BRINP3: variants seen among roughly 807,000 people sequenced by gnomAD.
BRINP3 encodes BMP/retinoic acid-inducible neural-specific protein 3.
Under a neutral mutation model 71.0 loss-of-function variants are expected in BRINP3, and 19 were observed. The observed-to-expected ratio is 0.27, with a 90% CI of 0.19 to 0.39. BRINP3 has a LOEUF of 0.39. Among genes scored for constraint, BRINP3 ranks in the 10% least tolerant of loss-of-function variants. The probability of loss-of-function intolerance (pLI) is 1.00; values close to 1 mark genes in which losing one functional copy is unlikely to be tolerated. For synonymous variants in BRINP3, 380 were observed against 337.7 expected (o/e 1.13, Z -1.37); for missense variants, 959 against 940.8 (o/e 1.02, Z -0.25).
intron 7 of BRINP3, among the ~76,000 whole-genome samples, chr1:190,101,382 A>G (rs1194256561): frequency 6.6e-6 from 1 of 152,126 alleles, no homozygotes; most frequent in African/African-American, 2.4e-5. Context: ...CACAGAATAT[A>G]TGTGCAAAAA....
At chr1:190,199,861 A>C (rs1654846908) in intron 6 of BRINP3, among the ~76,000 whole-genome samples, 1 of 152,010 alleles carries the variant, frequency 6.6e-6, no homozygotes. Context: ...ATTAAGTATA[A>C]AACTTAAAAT....
rs189658164 is a variant in BRINP3 at position 190,203,507 on chromosome 1, A to G, written c.961+22575T>C. Among the ~76,000 whole-genome samples, 385 of 148,112 alleles carry G rather than the reference A, an allele frequency of 2.6e-3. 3 individuals carry two copies. The highest frequency in any genetic ancestry group is 9.0e-3 in the African/African-American group (363 of 40,434). On this transcript the variant is annotated intron_variant, in intron 6 of 7. Coordinates refer to ENST00000367462, the MANE Select transcript of BRINP3 (RefSeq NM_199051.3). ...TATATATATATACATATATCTTACAACTCCAATTGACTGGATGTCTCTATA... is the reference window on the plus strand; with the variant it reads ...TATATATATATACATATATCTTACAGCTCCAATTGACTGGATGTCTCTATA...
At chr1:190,430,133 C>T (rs79035989) in intron 2 of BRINP3, among the ~76,000 whole-genome samples, 4,444 of 152,158 alleles carry the variant, frequency 0.029, 89 homozygotes, top group East Asian at 0.099. Context: ...GCATTAATCA[C>T]AAAATATAGA....
At chr1:190,428,340 T>C (rs534996851) in intron 2 of BRINP3, among the ~76,000 whole-genome samples, 1 of 152,162 alleles carries the variant, frequency 6.6e-6, no homozygotes, top group East Asian at 1.9e-4. Flanking sequence ...TAAAATATAC[T>C]ATGAATAAAA....
intron 2 of BRINP3, among the ~76,000 whole-genome samples, chr1:190,299,379 C>T (rs1393437444): frequency 1.3e-5 from 2 of 150,982 alleles, no homozygotes; most frequent in Non-Finnish European, 3.0e-5. Flanking sequence ...CTCTTTTTTC[C>T]TATCCTCTTG....
At chr1:190,398,407 T>A (rs1671716796) in intron 2 of BRINP3, among the ~76,000 whole-genome samples, 1 of 151,944 alleles carries the variant, frequency 6.6e-6, no homozygotes, top group African/African-American at 2.4e-5. Context: ...AAATTCTGAA[T>A]AACAAAAAAG....
chr1:190,325,064 AGC>A (rs1666490958), intron 2 of BRINP3, among the ~76,000 whole-genome samples: 3 of 152,078 alleles, frequency 2.0e-5, no homozygotes, highest in African/African-American at 7.2e-5. Context: ...AATAATCGGC[AGC>A]ATAGTAGGAC....
chr1:190,254,982 C>T (rs961807630), intron 4 of BRINP3, among the ~76,000 whole-genome samples: 5 of 151,582 alleles, frequency 3.3e-5, no homozygotes, highest in Admixed American at 1.3e-4. Context: ...TAGCATGAAG[C>T]GTTGTTGAAT....
chr1:190,250,908 C>T (rs146788728), intron 4 of BRINP3, among the ~76,000 whole-genome samples: 66 of 151,864 alleles, frequency 4.3e-4, no homozygotes, highest in Middle Eastern at 3.4e-3. Flanking sequence ...TGTATTGTAG[C>T]GTGGTTTTAA....
At chr1:190,444,045 C>A (rs1168400804) in intron 2 of BRINP3, among the ~76,000 whole-genome samples, 2 of 151,902 alleles carry the variant, frequency 1.3e-5, no homozygotes, top group Non-Finnish European at 2.9e-5. Context: ...CCAGCCTGAC[C>A]AAAATTGAGA....
intron 3 of BRINP3, among the ~76,000 whole-genome samples, chr1:190,270,800 T>A (rs2102896099): frequency 6.6e-6 from 1 of 151,784 alleles, no homozygotes; most frequent in East Asian, 1.9e-4. Context: ...CTCTAAAGGA[T>A]TCGGCTATTC....
At chr1:190,245,160 C>T (rs1659468904) in intron 4 of BRINP3, among the ~76,000 whole-genome samples, 1 of 151,726 alleles carries the variant, frequency 6.6e-6, no homozygotes, top group African/African-American at 2.4e-5. Flanking sequence ...CACTAAAACT[C>T]AACAGACTCA....
chr1:190,328,590 C>CAGAT (rs1360656563), intron 2 of BRINP3, among the ~76,000 whole-genome samples: 32 of 151,752 alleles, frequency 2.1e-4, no homozygotes, highest in South Asian at 2.1e-4. Flanking sequence ...TGAATCATAC[C>CAGAT]AGATATACAA....
At position 190,327,487 on chromosome 1, in the gene BRINP3, GAAA is replaced by G. The variant is rs59406863; in HGVS notation, c.237-45740_237-45738del. On this transcript the variant is annotated intron_variant, in intron 2 of 7. Transcript: ENST00000367462. ...GAGAGATCAAGGACACAAACAAAAA[GAAA>G]AAAAAAAAAAAGCGAGCAGAGATTG... 1.9e-3 allele frequency among the ~76,000 whole-genome samples: 236 copies of G among 126,818 alleles called. 2 individuals carry two copies. Among genetic ancestry groups the G allele is most frequent in the African/African-American group, 6.3e-3 (213 of 34,022 alleles). The allele number at this position is 126,818 out of a possible 152,430, so 83.2% of individuals were successfully genotyped here.
At chr1:190,365,329 T>C (rs1162433080) in intron 2 of BRINP3, among the ~76,000 whole-genome samples, 2 of 151,924 alleles carry the variant, frequency 1.3e-5, no homozygotes, top group Admixed American at 1.3e-4. Flanking sequence ...TTCCGTTGTA[T>C]GCACATTCAT....
At chr1:190,473,663 T>C (rs894711458) in intron 1 of BRINP3, among the ~76,000 whole-genome samples, 1 of 151,842 alleles carries the variant, frequency 6.6e-6, no homozygotes, top group African/African-American at 2.4e-5. Context: ...AATGTGTTTG[T>C]CATTTTAATT....
intron 7 of BRINP3, among the ~76,000 whole-genome samples, chr1:190,156,961 T>A (rs1464154239): frequency 6.6e-6 from 1 of 152,006 alleles, no homozygotes; most frequent in Non-Finnish European, 1.5e-5. Context: ...ATTCATTTAT[T>A]TTTACTAGAA....
intron 6 of BRINP3, among the ~76,000 whole-genome samples, chr1:190,173,622 C>A (rs1002523544): frequency 1.3e-5 from 2 of 152,020 alleles, no homozygotes; most frequent in African/African-American, 4.8e-5. Context: ...TCTCAAGAAC[C>A]CTTTACATTC....
chr1:190,434,743 A>G (rs1286460037), intron 2 of BRINP3, among the ~76,000 whole-genome samples: 1 of 152,192 alleles, frequency 6.6e-6, no homozygotes, highest in African/African-American at 2.4e-5. Flanking sequence ...AATATGAACA[A>G]GCACCATGAA....
Sources: allele counts gnomAD v4.1 joint callset (sites outside exome capture counted in the v4.1 genomes callset), GRCh38; gene constraint gnomAD v4.1.1; transcripts MANE v1.5; gene names NCBI Gene and HGNC (gene_info 2026-07-23, HGNC 2026-07-21).